The following ITFG2 variants were observed in gnomAD, a reference collection of about 807,000 sequenced individuals.
ITFG2 encodes the protein integrin alpha FG-GAP repeat containing 2.
Under a neutral mutation model 54.4 loss-of-function variants are expected in ITFG2, and 36 were observed. The ratio of observed to expected loss-of-function variants is 0.66; its 90% confidence interval spans 0.51 to 0.87. The LOEUF is 0.87. Ranked by LOEUF, ITFG2 falls within the 40% of genes least tolerant of loss-of-function variation. ITFG2 has a pLI of 0.00. For synonymous variants in ITFG2, 211 were observed against 225.4 expected (o/e 0.94, Z 0.57); for missense variants, 524 against 576.7 (o/e 0.91, Z 0.94).
chr12:2,830,797 G>C (rs761509757), intron 2 of ITFG2: 1 of 1,613,778 alleles, frequency 6.2e-7, no homozygotes, highest in South Asian at 1.1e-5. Context: ...ATCCGGGGAG[G>C]CTCCCCCTGA....
At chr12:2,849,333 G>C in intron 2 of ITFG2, 1 of 1,536,168 alleles carries the variant, frequency 6.5e-7, no homozygotes, top group Non-Finnish European at 8.7e-7. Flanking sequence ...CCTTTATCAG[G>C]GTTTGGAAAT....
intron 2 of ITFG2, among the ~76,000 whole-genome samples, chr12:2,852,367 CTG>C: frequency 6.6e-6 from 1 of 151,330 alleles, no homozygotes; most frequent in Admixed American, 6.6e-5. Flanking sequence ...GCTGTGGGAA[CTG>C]TTTTTTTTTT....
At chr12:2,828,489 G>T, downstream of ITFG2, 2 of 1,097,316 alleles carry the variant, frequency 1.8e-6, no homozygotes, top group Non-Finnish European at 2.7e-6. Flanking sequence ...CAGTTTCCCA[G>T]CCCATTGATG....
At chr12:2,827,085 G>A, downstream of ITFG2, 1 of 1,530,916 alleles carries the variant, frequency 6.5e-7, no homozygotes, top group South Asian at 1.2e-5. The surrounding 1 kb of genome is among the most constrained non-coding windows in gnomAD (Gnocchi z 4.0). Context: ...CAGGGGTCAG[G>A]GAGGTGATTG....
intron 2 of ITFG2, among the ~76,000 whole-genome samples, chr12:2,847,663 CAA>C (rs76285511): frequency 0.25 from 21,009 of 82,932 alleles, 1,531 homozygotes; most frequent in South Asian, 0.43. Flanking sequence ...TAAGACTGTC[CAA>C]AAAAAAAAAA....
At position 2,821,308 on chromosome 12, in the gene ITFG2, C is replaced by T. The variant is rs140247675; in HGVS notation, c.742C>T (p.Arg248Cys). Residue 248 changes from arginine (R) to cysteine (C), a missense_variant, in exon 7 of 12, where the codon CGT becomes TGT. Physicochemically the swap from Arg to Cys is radical, Grantham distance 180 (BLOSUM62 -3). Coordinates refer to ENST00000228799, the MANE Select transcript of ITFG2 (RefSeq NM_018463.4). ...CGTGGTGCTGCACCAGACATCTGGC[C>T]GTATCCACAACAAGAATGTCTCCAC... is the stretch of plus-strand genomic sequence containing the variant. ...RDVVLHQTSGRIHNKNVSTHL... is the reference protein window; with the variant it reads ...RDVVLHQTSGCIHNKNVSTHL... 3.7e-6 allele frequency: 6 copies of T among 1,610,394 alleles called. No individual in the cohort carries two copies. Among genetic ancestry groups the T allele is most frequent in the Admixed American group, 1.7e-5 (1 of 59,574 alleles).
At position 2,817,347 on chromosome 12, in the gene ITFG2, G is replaced by C. The variant is rs376796363; in HGVS notation, c.192+29G>C. 6.8e-5 allele frequency: 104 copies of C among 1,525,080 alleles called. No individual in the cohort carries two copies. In the Middle Eastern group the frequency reaches 7.7e-4, roughly 11 times the overall value. 94.5% of individuals were successfully genotyped at this position (1,525,080 alleles called of 1,614,324 possible). ...AGTATTCACTTCCCTGGGCCTGGAG[G>C]GGGGAAGGGATCCCTTCTGTCCAGG... On this transcript the variant is annotated intron_variant, in intron 2 of 11. Coordinates refer to ENST00000228799, the MANE Select transcript of ITFG2 (RefSeq NM_018463.4).
chr12:2,815,111 T>TG (rs1034020931), intron 1 of ITFG2, among the ~76,000 whole-genome samples: 1 of 152,128 alleles, frequency 6.6e-6, no homozygotes, highest in African/African-American at 2.4e-5. Flanking sequence ...CAAAAGTAGC[T>TG]GGGATTACAG....
rs200954465 is a variant in ITFG2 at position 2,820,744 on chromosome 12, T to C, written c.567T>C (p.Thr189=). 2 of 1,612,872 alleles carry C rather than the reference T, an allele frequency of 1.2e-6. No individual in the cohort carries two copies. The highest frequency in any genetic ancestry group is 1.3e-5 in the African/African-American group (1 of 74,752). ...TGCAGGTGGACAGCCTCTCAGTGAC[T>C]CTGGGGCCACTGGGTCTTCCTGAAC... is the stretch of plus-strand genomic sequence containing the variant. ...LEGQVDSLSV[T]LGPLGLPELM... Residue 189 remains threonine, a synonymous_variant, in exon 6 of 12, where the codon ACT becomes ACC. Coordinates refer to ENST00000228799, the MANE Select transcript of ITFG2 (RefSeq NM_018463.4).
At chr12:2,822,660 T>C (rs982861796) in intron 9 of ITFG2, 134 bp from the exon 10 acceptor site, 21 of 734,914 alleles carry the variant, frequency 2.9e-5, no homozygotes, top group Middle Eastern at 3.9e-4. Flanking sequence ...CTGTGAGCAT[T>C]ATGTGAGGTG....
intron 2 of ITFG2, chr12:2,830,726 A>T: frequency 6.2e-7 from 1 of 1,612,596 alleles, no homozygotes; most frequent in South Asian, 1.1e-5. Context: ...TGACCAGAAG[A>T]GCTGGAATCT....
At chr12:2,855,202 G>A (rs1358422012) in intron 2 of ITFG2, 6 of 1,506,172 alleles carry the variant, frequency 4.0e-6, no homozygotes, top group Admixed American at 2.0e-5. Context: ...GGGGAAGGTG[G>A]CAGGCAGACG....
In ITFG2 at chr12:2,823,042, T is replaced by G. The variant is rs2097950969; in HGVS notation, c.1066+131T>G. The G allele has an allele frequency of 4.3e-6, 3 of 700,306 alleles. No individual in the cohort carries two copies. In the Admixed American group the frequency reaches 7.1e-5, roughly 17 times the overall value. The allele number at this position is 700,306 out of a possible 1,614,324, so 43.4% of individuals were successfully genotyped here. A position where few individuals can be genotyped will look rare whatever the true frequency, so the allele number is the denominator to read the frequency against. On this transcript the variant is annotated intron_variant, in intron 10 of 11. Transcript: ENST00000228799. ...CCTGATGTAAGTCTTCATTCACCAGTGAGTTCTTCAGCTCTTTTGTTTGGG... is the reference window on the plus strand; with the variant it reads ...CCTGATGTAAGTCTTCATTCACCAGGGAGTTCTTCAGCTCTTTTGTTTGGG...
chr12:2,827,510 G>A (rs2097974358), downstream of ITFG2: 4 of 1,569,340 alleles, frequency 2.5e-6, no homozygotes, highest in East Asian at 2.2e-5. The surrounding 1 kb of genome is among the most constrained non-coding windows in gnomAD (Gnocchi z 4.0). Flanking sequence ...AGGAAGCAAA[G>A]GGACAGTTGC....
At chr12:2,859,705 A>G in exon 4 of ITFG2, 1 of 1,452,400 alleles carries the variant, frequency 6.9e-7, no homozygotes, top group South Asian at 1.3e-5. Context: ...CGGTCACCAG[A>G]CAGGACGCAC....
downstream of ITFG2, among the ~76,000 whole-genome samples, chr12:2,829,369 C>A (rs772363552): frequency 6.6e-6 from 1 of 152,210 alleles, no homozygotes; most frequent in African/African-American, 2.4e-5. Flanking sequence ...TGAGTATTTA[C>A]TATAAGATAT....
At chr12:2,827,735 C>G (rs2097975807), downstream of ITFG2, 2 of 1,612,374 alleles carry the variant, frequency 1.2e-6, no homozygotes, top group East Asian at 2.2e-5. The surrounding 1 kb of genome is among the most constrained non-coding windows in gnomAD (Gnocchi z 4.0). Flanking sequence ...CACTGCTGCC[C>G]TCCTCTTAGC....
intron 1 of ITFG2, among the ~76,000 whole-genome samples, chr12:2,838,881 G>T (rs1236962839): frequency 6.6e-6 from 1 of 152,160 alleles, no homozygotes; most frequent in African/African-American, 2.4e-5. Flanking sequence ...ACACCACTTT[G>T]CTGTGATAGT....
At chr12:2,849,635 C>T in intron 2 of ITFG2, 1 of 1,258,204 alleles carries the variant, frequency 7.9e-7, no homozygotes, top group Non-Finnish European at 1.1e-6. Flanking sequence ...GCTAGTTAGC[C>T]ATCAGGCGGC....
Sources: allele counts gnomAD v4.1 joint callset (sites outside exome capture counted in the v4.1 genomes callset), GRCh38; gene constraint gnomAD v4.1.1; non-coding constraint Gnocchi (gnomAD v3.1); transcripts MANE v1.5; gene names NCBI Gene and HGNC (gene_info 2026-07-23, HGNC 2026-07-21).